Variants in ASTN2 observed in about 807,000 individuals in gnomAD.
ASTN2 encodes the protein astrotactin-2.
A neutral mutation model predicts 139.8 loss-of-function variants in ASTN2; 54 were observed. The ratio of observed to expected loss-of-function variants is 0.39; its 90% CI spans 0.31 to 0.48. The LOEUF (loss-of-function observed/expected upper bound fraction) is 0.48. ASTN2 is among the 20% of genes least tolerant of loss of function. The probability of loss-of-function intolerance (pLI) is 0.95; values close to 1 mark genes in which losing one functional copy is unlikely to be tolerated. For missense variants in ASTN2, 1,565 were observed against 1,725.1 expected (o/e 0.91, Z 1.64); for synonymous variants, 756 against 719.5 (o/e 1.05, Z -0.81).
chr9:116,802,616 A>G (rs1830893217), intron 13 of ASTN2, among the ~76,000 whole-genome samples: 1 of 152,200 alleles, frequency 6.6e-6, no homozygotes, highest in Non-Finnish European at 1.5e-5. Context: ...CACACAACAG[A>G]ATGGTACATT....
At chr9:116,801,715 G>C (rs1241718911) in intron 13 of ASTN2, among the ~76,000 whole-genome samples, 1 of 151,916 alleles carries the variant, frequency 6.6e-6, no homozygotes, top group African/African-American at 2.4e-5. Flanking sequence ...AACTGACTTA[G>C]CATGGTTCCA....
At position 116,850,723 on chromosome 9, in the gene ASTN2, T is replaced by C. The variant is rs556731655; in HGVS notation, c.2040+12860A>G. Among the ~76,000 whole-genome samples the C allele has an allele frequency of 2.6e-4, 39 of 152,288 alleles. 1 individual carries two copies. Among genetic ancestry groups the C allele is most frequent in the Admixed American group, 2.0e-3 (31 of 15,296 alleles). On this transcript the variant is annotated intron_variant, in intron 11 of 22. Coordinates refer to ENST00000313400, the MANE Select transcript of ASTN2 (RefSeq NM_001365068.1). ...CCTCTTACCCAGGATGAACTCAAGA[T>C]GTAACATTTTAAAATGAGCCTTAGG...
intron 19 of ASTN2, among the ~76,000 whole-genome samples, chr9:116,581,118 C>T (rs1355175364): frequency 2.0e-5 from 3 of 152,084 alleles, no homozygotes; most frequent in African/African-American, 7.2e-5. Flanking sequence ...GACCTTCCTG[C>T]CGTTAAGCTT....
At chr9:116,440,498 C>T (rs1847808962) in intron 22 of ASTN2, 111 bp downstream of exon 22, 1 of 989,686 alleles carries the variant, frequency 1.0e-6, no homozygotes. Flanking sequence ...AGGTGATAAT[C>T]ACCCTTATTT....
chr9:116,679,599 T>C (rs1368473261), intron 16 of ASTN2, among the ~76,000 whole-genome samples: 1 of 152,176 alleles, frequency 6.6e-6, no homozygotes, highest in East Asian at 1.9e-4. Flanking sequence ...ACACCACACC[T>C]ATTCCAAAAT....
intron 1 of ASTN2, among the ~76,000 whole-genome samples, chr9:117,319,041 T>G (rs1161535303): frequency 1.3e-5 from 2 of 152,160 alleles, no homozygotes; most frequent in African/African-American, 4.8e-5. Flanking sequence ...TGGGAAAAAT[T>G]CCTTCTCTTC....
At chr9:116,533,263 G>C (rs1266052193) in intron 19 of ASTN2, among the ~76,000 whole-genome samples, 5 of 152,338 alleles carry the variant, frequency 3.3e-5, no homozygotes, top group African/African-American at 1.2e-4. Context: ...ATTTTGGGCT[G>C]AGACAATGGG....
chr9:117,092,989 G>A (rs1160138864), intron 5 of ASTN2, among the ~76,000 whole-genome samples: 6 of 152,174 alleles, frequency 3.9e-5, no homozygotes, highest in African/African-American at 1.4e-4. Flanking sequence ...AGTGGCACTG[G>A]ACATGGGGGA....
chr9:116,710,075 T>C (rs976514956), intron 16 of ASTN2, among the ~76,000 whole-genome samples: 1 of 152,180 alleles, frequency 6.6e-6, no homozygotes, highest in Non-Finnish European at 1.5e-5. Context: ...CTGGGAAAAC[T>C]GATAGGGAAG....
intron 1 of ASTN2, among the ~76,000 whole-genome samples, chr9:117,326,206 A>G (rs1828512088): frequency 6.6e-6 from 1 of 152,166 alleles, no homozygotes; most frequent in Admixed American, 6.5e-5. Context: ...GCCAAACAAA[A>G]TGATATCTGC....
intron 6 of ASTN2, among the ~76,000 whole-genome samples, chr9:117,008,814 C>T (rs1837432265): frequency 6.6e-6 from 1 of 152,178 alleles, no homozygotes; most frequent in South Asian, 2.1e-4. Flanking sequence ...ATAGGAAAGA[C>T]TGGCTGAGTG....
chr9:116,776,746 G>T (rs113323361), intron 13 of ASTN2, among the ~76,000 whole-genome samples: 280 of 152,250 alleles, frequency 1.8e-3, no homozygotes, highest in African/African-American at 6.1e-3. Flanking sequence ...AACAGAACTG[G>T]TCCTTCTAGG....
intron 19 of ASTN2, among the ~76,000 whole-genome samples, chr9:116,498,068 A>G (rs1849725667): frequency 6.6e-6 from 1 of 152,168 alleles, no homozygotes; most frequent in Admixed American, 6.6e-5. Flanking sequence ...ATGAAAAAGC[A>G]TAGTATCTGG....
chr9:116,675,448 T>C (rs140361340), intron 16 of ASTN2, among the ~76,000 whole-genome samples: 96 of 152,214 alleles, frequency 6.3e-4, no homozygotes, highest in Non-Finnish European at 1.1e-3. Flanking sequence ...GTAGCCCCAT[T>C]GCGGGGTGTC....
intron 20 of ASTN2, among the ~76,000 whole-genome samples, chr9:116,448,021 C>G (rs1276271219): frequency 6.6e-6 from 1 of 152,178 alleles, no homozygotes; most frequent in Admixed American, 6.5e-5. Flanking sequence ...GGGGTAAGAG[C>G]AGGGACAGAG....
intron 4 of ASTN2, among the ~76,000 whole-genome samples, chr9:117,117,398 G>GAAA (rs35130478): frequency 4.3e-5 from 6 of 140,066 alleles, no homozygotes; most frequent in African/African-American, 1.6e-4. Context: ...CGAAGAAAGA[G>GAAA]AAAAAAAAAA....
At chr9:117,221,472 T>C (rs1430040696) in intron 2 of ASTN2, among the ~76,000 whole-genome samples, 1 of 152,226 alleles carries the variant, frequency 6.6e-6, no homozygotes, top group Non-Finnish European at 1.5e-5. Context: ...ATTATTTCTG[T>C]CTCTGGCCTT....
chr9:117,079,222 G>A (rs1828359848), intron 5 of ASTN2, among the ~76,000 whole-genome samples: 1 of 152,148 alleles, frequency 6.6e-6, no homozygotes, highest in African/African-American at 2.4e-5. Flanking sequence ...CACGTGTGGT[G>A]GTGCGTGACT....
chr9:116,479,980 T>C (rs1217707314), intron 20 of ASTN2, among the ~76,000 whole-genome samples: 2 of 152,184 alleles, frequency 1.3e-5, no homozygotes, highest in Admixed American at 6.5e-5. Context: ...GTGCCTTAGT[T>C]GCCTTATCTG....
Sources: gnomAD v4.1 joint callset for allele counts (sites outside exome capture counted in the v4.1 genomes callset) on GRCh38, gnomAD v4.1.1 for gene constraint, MANE v1.5 for transcripts, NCBI Gene and HGNC (gene_info 2026-07-23, HGNC 2026-07-21) for gene names.